Variants in ARHGAP32 observed in about 807,000 individuals in gnomAD.
ARHGAP32 encodes the protein rho GTPase-activating protein 32.
In ARHGAP32, 51 loss-of-function variants were observed where a neutral mutation model predicts 186.5. That is an observed-to-expected ratio of 0.27 (90% CI 0.22 to 0.35). ARHGAP32 has a LOEUF of 0.35. ARHGAP32 is among the 10% of genes least tolerant of loss of function. The pLI is 1.00. For missense variants in ARHGAP32, 2,186 were observed against 2,623.5 expected (o/e 0.83, Z 3.64); for synonymous variants, 950 against 964.3 (o/e 0.99, Z 0.27).
intron 1 of ARHGAP32, among the ~76,000 whole-genome samples, chr11:129,175,004 A>G (rs1943880739): frequency 7.2e-6 from 1 of 139,618 alleles, no homozygotes; most frequent in Non-Finnish European, 1.5e-5. Flanking sequence ...GAGCTATGGG[A>G]GGACATTCAA....
At chr11:129,093,372 G>A (rs1390868980) in intron 6 of ARHGAP32, among the ~76,000 whole-genome samples, 1 of 152,074 alleles carries the variant, frequency 6.6e-6, no homozygotes, top group Non-Finnish European at 1.5e-5. Context: ...GCAAAGAGGA[G>A]ACATGCAAGT....
At chr11:129,192,774 C>CT (rs1944294576), upstream of ARHGAP32, among the ~76,000 whole-genome samples, 1 of 152,162 alleles carries the variant, frequency 6.6e-6, no homozygotes, top group Non-Finnish European at 1.5e-5. Flanking sequence ...TCAGTAAGGA[C>CT]TGCCATATGC....
At chr11:129,264,209 G>A (rs1207561035) in intron 1 of ARHGAP32, among the ~76,000 whole-genome samples, 1 of 152,202 alleles carries the variant, frequency 6.6e-6, no homozygotes, top group Non-Finnish European at 1.5e-5. Context: ...CATGGAAACA[G>A]AAAGTAGAAT....
intron 10 of ARHGAP32, among the ~76,000 whole-genome samples, chr11:129,050,658 T>C (rs1940005788): frequency 6.6e-6 from 1 of 152,256 alleles, no homozygotes; most frequent in African/African-American, 2.4e-5. Flanking sequence ...TATTTCTTTA[T>C]TATACTTTAA....
intron 10 of ARHGAP32, among the ~76,000 whole-genome samples, chr11:129,054,744 TACCTC>T (rs2135100013): frequency 6.6e-6 from 1 of 152,254 alleles, no homozygotes; most frequent in Admixed American, 6.5e-5. Context: ...TATGATGAAA[TACCTC>T]AGACAACAAA....
chr11:129,196,698 G>A (rs1944396056), upstream of ARHGAP32, among the ~76,000 whole-genome samples: 1 of 152,064 alleles, frequency 6.6e-6, no homozygotes, highest in African/African-American at 2.4e-5. Context: ...TCATATTACA[G>A]GTGAAGAAAC....
At chr11:129,193,497 A>ATATAT (rs780175573), upstream of ARHGAP32, among the ~76,000 whole-genome samples, 1 of 79,940 alleles carries the variant, frequency 1.3e-5, no homozygotes, top group African/African-American at 5.1e-5. Context: ...AAAAAAAAAA[A>ATATAT]AAATATATAT....
In ARHGAP32 at chr11:128,968,809, G is replaced by A. The variant is rs1341399128; in HGVS notation, c.*98C>T. The A allele has an allele frequency of 9.9e-7, 1 of 1,009,518 alleles. No individual in the cohort carries two copies. The highest frequency in any genetic ancestry group is 3.0e-5 in the East Asian group (1 of 33,540). 62.5% of individuals were successfully genotyped at this position (1,009,518 alleles called of 1,614,324 possible). On this transcript the variant is annotated 3_prime_UTR_variant, in exon 23 of 23. Coordinates refer to ENST00000682385, the MANE Select transcript of ARHGAP32 (RefSeq NM_001378024.1). ...TATCATTTTTTAAATGTGGTCAGGG[G>A]TTTTATAGTATTTTTTGTTTAATCT...
At chr11:129,223,907 T>A (rs1283723225) in intron 1 of ARHGAP32, among the ~76,000 whole-genome samples, 2 of 152,178 alleles carry the variant, frequency 1.3e-5, no homozygotes, top group African/African-American at 4.8e-5. Flanking sequence ...TAAATCACAT[T>A]TTGGGACTAC....
Position 129,264,078 on chromosome 11 carries a change from C to T in ARHGAP32, c.-5+15068G>A, listed in dbSNP as rs569316824. On this transcript the variant is annotated intron_variant, in intron 1 of 6. Transcript: ENST00000525234. Reference sequence around the variant, plus strand: ...CCCTTAAAAAAGAAGGAAATCCTTCCGCATGCTACAACATAGATGAACCTT... The same window carrying T: ...CCCTTAAAAAAGAAGGAAATCCTTCTGCATGCTACAACATAGATGAACCTT... Among the ~76,000 whole-genome samples, 490 of 152,210 alleles carry T rather than the reference C, an allele frequency of 3.2e-3. 1 individual carries two copies. Among genetic ancestry groups the T allele is most frequent in the African/African-American group, 0.011 (471 of 41,524 alleles).
At chr11:129,240,795 C>A (rs1945005807) in intron 1 of ARHGAP32, among the ~76,000 whole-genome samples, 1 of 152,100 alleles carries the variant, frequency 6.6e-6, no homozygotes, top group South Asian at 2.1e-4. Context: ...CTGCATAAAG[C>A]TTTTCTATCT....
At chr11:129,039,594 T>A (rs1158744852) in intron 11 of ARHGAP32, among the ~76,000 whole-genome samples, 1 of 152,218 alleles carries the variant, frequency 6.6e-6, no homozygotes, top group Non-Finnish European at 1.5e-5. Context: ...CAGTGTCCGC[T>A]AATGGATATG....
chr11:129,088,293 C>G (rs1243413295), intron 6 of ARHGAP32, among the ~76,000 whole-genome samples: 1 of 152,080 alleles, frequency 6.6e-6, no homozygotes, highest in East Asian at 1.9e-4. Context: ...AAAACATAGC[C>G]TTGATTGGCT....
intron 10 of ARHGAP32, among the ~76,000 whole-genome samples, chr11:129,051,179 A>G (rs769271919): frequency 2.0e-5 from 3 of 152,166 alleles, no homozygotes; most frequent in Non-Finnish European, 4.4e-5. Context: ...TGCTGAGTCA[A>G]ATGGTATTTC....
chr11:129,269,861 A>C (rs982708224), intron 1 of ARHGAP32, among the ~76,000 whole-genome samples: 3 of 152,232 alleles, frequency 2.0e-5, no homozygotes, highest in African/African-American at 7.2e-5. Context: ...AACACTGACA[A>C]CACCAAATGT....
At chr11:129,055,966 T>C (rs973476920) in intron 10 of ARHGAP32, among the ~76,000 whole-genome samples, 1 of 152,198 alleles carries the variant, frequency 6.6e-6, no homozygotes, top group African/African-American at 2.4e-5. Flanking sequence ...TAACAAAAAG[T>C]AAGCCCCAAA....
chr11:128,982,501 G>C (rs1945734305), intron 15 of ARHGAP32, among the ~76,000 whole-genome samples: 2 of 151,930 alleles, frequency 1.3e-5, no homozygotes, highest in African/African-American at 4.8e-5. Context: ...GTGTGTGTGT[G>C]TGTGTGTCTG....
intron 1 of ARHGAP32, among the ~76,000 whole-genome samples, chr11:129,246,748 TTC>T (rs1945103941): frequency 6.6e-6 from 1 of 152,198 alleles, no homozygotes; most frequent in African/African-American, 2.4e-5. Context: ...CTATTCGACC[TTC>T]TATCTCTGTA....
chr11:129,173,176 A>C (rs1943809534), intron 1 of ARHGAP32, among the ~76,000 whole-genome samples: 1 of 152,086 alleles, frequency 6.6e-6, no homozygotes, highest in African/African-American at 2.4e-5. Flanking sequence ...AGAATACTAT[A>C]AACATCTCTA....
Sources: allele counts gnomAD v4.1 joint callset (sites outside exome capture counted in the v4.1 genomes callset), GRCh38; gene constraint gnomAD v4.1.1; transcripts MANE v1.5; gene names NCBI Gene and HGNC (gene_info 2026-07-23, HGNC 2026-07-21).